The following TCF12 variants were observed in gnomAD, a reference collection of about 807,000 sequenced individuals.
The protein encoded by TCF12 is transcription factor 12, also known as DNA-binding protein HTF4.
TCF12 carries 45 observed loss-of-function variants against 86.0 expected under a neutral mutation model. That is an observed-to-expected ratio of 0.52 (90% CI 0.41 to 0.67). The LOEUF (loss-of-function observed/expected upper bound fraction) is 0.67. Ranked by LOEUF, TCF12 falls within the 30% of genes least tolerant of loss-of-function variation. TCF12 has a pLI of 0.00. For synonymous variants in TCF12, 330 were observed against 299.6 expected (o/e 1.10, Z -1.05); for missense variants, 881 against 859.9 (o/e 1.02, Z -0.31).
chr15:57,233,383 G>T (rs142811169), intron 11 of TCF12, among the ~76,000 whole-genome samples: 2 of 151,812 alleles, frequency 1.3e-5, no homozygotes, highest in East Asian at 1.9e-4. Flanking sequence ...TCATTATGTG[G>T]CCGGGGCTGG....
chr15:57,250,541 C>T (rs1225259388), intron 13 of TCF12, among the ~76,000 whole-genome samples: 1 of 152,036 alleles, frequency 6.6e-6, no homozygotes, highest in Non-Finnish European at 1.5e-5. Flanking sequence ...CCAGCCTGGC[C>T]AACGTAGTGA....
At chr15:57,003,375 A>G (rs1161752921) in intron 3 of TCF12, among the ~76,000 whole-genome samples, 1 of 152,208 alleles carries the variant, frequency 6.6e-6, no homozygotes, top group African/African-American at 2.4e-5. Context: ...TTGTTGATTC[A>G]TTAACATTGA....
rs372427839 is a variant in TCF12, at chr15:56,997,599, C to A, written c.149-66151C>A. ...CCAGTATACCTATGTAACAAACCTG[C>A]ACATATACCCCCAGATTCTAAAATA... On this transcript the variant is annotated intron_variant, in intron 3 of 20. Transcript: ENST00000333725. 1.1e-4 allele frequency among the ~76,000 whole-genome samples: 17 copies of A among 152,256 alleles called. No homozygotes were observed. In the East Asian group the frequency reaches 2.9e-3, roughly 26 times the overall value.
intron 4 of TCF12, among the ~76,000 whole-genome samples, chr15:57,083,198 G>A (rs2048420702): frequency 6.6e-6 from 1 of 152,096 alleles, no homozygotes; most frequent in African/African-American, 2.4e-5. Flanking sequence ...AATTACATAG[G>A]GGTTTAAACT....
intron 5 of TCF12, among the ~76,000 whole-genome samples, chr15:57,102,426 C>T (rs1187717446): frequency 6.6e-6 from 1 of 152,050 alleles, no homozygotes; most frequent in Non-Finnish European, 1.5e-5. Context: ...GGCAAAGCCC[C>T]GTCTCTACTA....
intron 19 of TCF12, chr15:57,282,146 A>C: frequency 2.5e-6 from 1 of 395,372 alleles, no homozygotes; most frequent in Non-Finnish European, 4.7e-6. Context: ...TTGGTAGCCT[A>C]ATAACAACAG....
At chr15:56,999,939 G>C (rs894336253) in intron 3 of TCF12, among the ~76,000 whole-genome samples, 6 of 152,052 alleles carry the variant, frequency 3.9e-5, no homozygotes, top group Non-Finnish European at 7.4e-5. Flanking sequence ...GAGCTCAAGT[G>C]ATCCACCCAC....
At chr15:57,041,317 C>G (rs1421531847) in intron 3 of TCF12, among the ~76,000 whole-genome samples, 1 of 152,122 alleles carries the variant, frequency 6.6e-6, no homozygotes, top group African/African-American at 2.4e-5. Flanking sequence ...CATGATGAAT[C>G]TTTTCTTTAT....
chr15:57,197,152 CTTTTTTTTT>C (rs138145337), intron 7 of TCF12, among the ~76,000 whole-genome samples: 2 of 87,260 alleles, frequency 2.3e-5, no homozygotes, highest in Admixed American at 3.3e-4. Context: ...AGAACAGCTT[CTTTTTTTTT>C]TTTTTTTTTT....
At chr15:56,962,394 CT>C (rs1363597259) in intron 3 of TCF12, among the ~76,000 whole-genome samples, 1 of 151,982 alleles carries the variant, frequency 6.6e-6, no homozygotes, top group Non-Finnish European at 1.5e-5. Flanking sequence ...TCTACTATAA[CT>C]TTTTTTTGTT....
intron 5 of TCF12, among the ~76,000 whole-genome samples, chr15:57,156,872 A>G (rs2054146698): frequency 6.6e-6 from 1 of 152,244 alleles, no homozygotes; most frequent in South Asian, 2.1e-4. Flanking sequence ...TGTTCTGCTT[A>G]TCATTGTATA....
At chr15:57,027,036 G>A (rs977391445) in intron 3 of TCF12, among the ~76,000 whole-genome samples, 2 of 150,812 alleles carry the variant, frequency 1.3e-5, no homozygotes, top group East Asian at 1.9e-4. Flanking sequence ...AAATGTTTTC[G>A]AACTGAGGTT....
intron 3 of TCF12, among the ~76,000 whole-genome samples, chr15:56,974,725 G>A (rs2062514271): frequency 6.6e-6 from 1 of 152,088 alleles, no homozygotes; most frequent in African/African-American, 2.4e-5. Flanking sequence ...CTGGTCTGTA[G>A]TTGAAAAAGT....
intron 3 of TCF12, among the ~76,000 whole-genome samples, chr15:57,001,888 A>T (rs539644408): frequency 2.0e-5 from 3 of 152,340 alleles, no homozygotes; most frequent in Admixed American, 1.3e-4. Flanking sequence ...GGAAAGCCAT[A>T]GGAGTAAAAG....
chr15:57,277,065 C>G (rs1196056717), intron 19 of TCF12, among the ~76,000 whole-genome samples: 1 of 152,120 alleles, frequency 6.6e-6, no homozygotes, highest in East Asian at 1.9e-4. Context: ...CTCAGCCTCT[C>G]AAAGTGCTGA....
intron 1 of TCF12, 40 bp downstream of exon 1, chr15:56,918,946 G>A (rs1199524669): frequency 6.6e-6 from 1 of 152,158 alleles, no homozygotes; most frequent in African/African-American, 2.4e-5. Context: ...GCGGCGCGGC[G>A]GGGCTGGGGG....
chr15:57,189,822 G>C (rs2056886248), intron 6 of TCF12, among the ~76,000 whole-genome samples: 1 of 123,946 alleles, frequency 8.1e-6, no homozygotes, highest in Non-Finnish European at 2.0e-5. Flanking sequence ...TTAAAAGCTG[G>C]AAACAACTAA....
chr15:56,996,165 G>A (rs189116751), intron 3 of TCF12, among the ~76,000 whole-genome samples: 4 of 152,260 alleles, frequency 2.6e-5, no homozygotes, highest in East Asian at 3.9e-4. Flanking sequence ...ACCTTTTGAT[G>A]TGTTGGGGGA....
At chr15:56,955,726 G>T (rs1251902495) in intron 3 of TCF12, among the ~76,000 whole-genome samples, 1 of 152,172 alleles carries the variant, frequency 6.6e-6, no homozygotes, top group Non-Finnish European at 1.5e-5. Context: ...GTTTTGTGGA[G>T]TGTTTTCTAA....
Sources: allele counts gnomAD v4.1 joint callset (sites outside exome capture counted in the v4.1 genomes callset), GRCh38; gene constraint gnomAD v4.1.1; transcripts MANE v1.5; gene names NCBI Gene and HGNC (gene_info 2026-07-23, HGNC 2026-07-21).